GRHL2: variants seen among roughly 807,000 people sequenced by gnomAD.
The protein encoded by GRHL2 is grainyhead like transcription factor 2, also known as grainyhead-like protein 2 homolog.
Under a neutral mutation model 83.8 loss-of-function variants are expected in GRHL2, and 21 were observed. That is an observed-to-expected ratio of 0.25 (90% CI 0.18 to 0.36). The LOEUF is 0.36. GRHL2 is among the 10% of genes least tolerant of loss of function. The pLI, the probability that GRHL2 is intolerant of heterozygous loss-of-function variation, is 1.00. For synonymous variants in GRHL2, 280 were observed against 278.9 expected, an observed-to-expected ratio of 1.00 and a Z score of -0.04; for missense variants, 623 against 781.8, an observed-to-expected ratio of 0.80 and a Z score of 2.42.
intron 14 of GRHL2, among the ~76,000 whole-genome samples, chr8:101,654,006 C>A (rs1813731869): frequency 1.3e-5 from 2 of 152,194 alleles, no homozygotes; most frequent in African/African-American, 2.4e-5. Flanking sequence ...GTTGCACATT[C>A]TGCGAAGGTA....
chr8:101,552,848 T>C, intron 3 of GRHL2, 66 bp downstream of exon 3: 1 of 1,467,950 alleles, frequency 6.8e-7, no homozygotes, highest in South Asian at 1.2e-5. Context: ...TATTAAACTG[T>C]ATGTTTTGTT....
At chr8:101,551,153 T>G (rs575300908) in intron 2 of GRHL2, among the ~76,000 whole-genome samples, 13 of 152,324 alleles carry the variant, frequency 8.5e-5, no homozygotes, top group African/African-American at 2.9e-4. Flanking sequence ...TTCTATCCAG[T>G]GTTTAGCAAT....
At chr8:101,504,079 A>AT (rs1197533669) in intron 1 of GRHL2, among the ~76,000 whole-genome samples, 1 of 152,234 alleles carries the variant, frequency 6.6e-6, no homozygotes, top group African/African-American at 2.4e-5. Context: ...ACACTTAAGA[A>AT]TAATACACAC....
At chr8:101,655,527 T>G in intron 14 of GRHL2, among the ~76,000 whole-genome samples, 1 of 152,172 alleles carries the variant, frequency 6.6e-6, no homozygotes, top group East Asian at 1.9e-4. Context: ...TATTCAGTAG[T>G]CCTAAACCCC....
chr8:101,600,057 T>C (rs1812478202), intron 8 of GRHL2, among the ~76,000 whole-genome samples: 2 of 152,204 alleles, frequency 1.3e-5, no homozygotes, highest in Non-Finnish European at 2.9e-5. Context: ...CGATGCTTTA[T>C]TGTCTGCGAG....
intron 5 of GRHL2, 116 bp from the exon 6 acceptor site, chr8:101,573,552 C>A: frequency 7.8e-7 from 1 of 1,286,148 alleles, no homozygotes; most frequent in Non-Finnish European, 1.1e-6. Context: ...TGTGTTTTGT[C>A]TCTAAAACAG....
At chr8:101,637,647 A>G (rs1209769021) in intron 12 of GRHL2, among the ~76,000 whole-genome samples, 1 of 152,212 alleles carries the variant, frequency 6.6e-6, no homozygotes, top group Non-Finnish European at 1.5e-5. Flanking sequence ...GGTAATAGCT[A>G]TACCACCTCT....
At chr8:101,530,585 A>G (rs1810903231) in intron 1 of GRHL2, among the ~76,000 whole-genome samples, 1 of 152,194 alleles carries the variant, frequency 6.6e-6, no homozygotes, top group Non-Finnish European at 1.5e-5. Context: ...TTAAAAATAG[A>G]TGACCTCTAG....
At chr8:101,598,098 C>T (rs1309120594) in intron 7 of GRHL2, among the ~76,000 whole-genome samples, 2 of 152,032 alleles carry the variant, frequency 1.3e-5, no homozygotes, top group African/African-American at 4.8e-5. Context: ...TATATATAAA[C>T]ACATTTATAG....
In GRHL2 at chr8:101,599,050, G is replaced by A; in HGVS notation, c.1004-7G>A. The A allele has an allele frequency of 2.5e-6, 4 of 1,598,920 alleles. No individual in the cohort carries two copies. Among genetic ancestry groups the A allele is most frequent in the South Asian group, 1.1e-5 (1 of 90,752 alleles). On this transcript the variant is annotated splice_region_variant and splice_polypyrimidine_tract_variant and intron_variant, in intron 7 of 15. Transcript: ENST00000646743. Reference sequence around the variant, plus strand: ...TTTAAAAGCTTGTTCTTTTTTTAATGTTACAGCCGATTACAAGGAGAGCTT... The same window carrying A: ...TTTAAAAGCTTGTTCTTTTTTTAATATTACAGCCGATTACAAGGAGAGCTT...
chr8:101,565,076 A>G (rs1317659810), intron 4 of GRHL2, among the ~76,000 whole-genome samples: 1 of 152,126 alleles, frequency 6.6e-6, no homozygotes. Context: ...ACCATGGCTT[A>G]CTCATTTTAC....
intron 1 of GRHL2, among the ~76,000 whole-genome samples, chr8:101,532,831 GAGAT>G (rs921565070): frequency 6.2e-4 from 94 of 152,094 alleles, no homozygotes; most frequent in African/African-American, 2.2e-3. Context: ...GTGTGAGAGA[GAGAT>G]AGAGAGAGAA....
chr8:101,544,558 T>C (rs948198384), intron 2 of GRHL2, among the ~76,000 whole-genome samples: 7 of 152,190 alleles, frequency 4.6e-5, no homozygotes, highest in Admixed American at 2.0e-4. Context: ...TGACCAGTAT[T>C]TACTGAATGA....
chr8:101,619,146 G>A (rs777765197), intron 8 of GRHL2, among the ~76,000 whole-genome samples: 27 of 152,016 alleles, frequency 1.8e-4, no homozygotes, highest in Admixed American at 7.2e-4. Context: ...CCAGCTACTC[G>A]GGAGGCTTAG....
intron 14 of GRHL2, among the ~76,000 whole-genome samples, chr8:101,657,338 G>C (rs1008652300): frequency 6.6e-6 from 1 of 152,112 alleles, no homozygotes; most frequent in Non-Finnish European, 1.5e-5. Flanking sequence ...ATGTACATGA[G>C]GTTTTTGGGC....
downstream of GRHL2, among the ~76,000 whole-genome samples, chr8:101,671,906 T>G (rs1269263968): frequency 6.6e-6 from 1 of 152,164 alleles, no homozygotes; most frequent in Non-Finnish European, 1.5e-5. Flanking sequence ...CAGCCACCGC[T>G]GTTCTGCAGC....
downstream of GRHL2, among the ~76,000 whole-genome samples, chr8:101,671,944 G>T (rs900700804): frequency 1.3e-5 from 2 of 152,114 alleles, no homozygotes; most frequent in African/African-American, 4.8e-5. Flanking sequence ...AGGCAAACAG[G>T]GTCTGGAGTG....
At chr8:101,582,886 G>T (rs564390055) in intron 7 of GRHL2, among the ~76,000 whole-genome samples, 8 of 152,236 alleles carry the variant, frequency 5.3e-5, no homozygotes, top group African/African-American at 1.4e-4. Flanking sequence ...TTTTTATACT[G>T]AGGTTTAACA....
At chr8:101,675,479 A>T in the GRHL2 span, among the ~76,000 whole-genome samples, 2 of 152,016 alleles carry the variant, frequency 1.3e-5, no homozygotes, top group African/African-American at 4.8e-5. Flanking sequence ...AGAGAATAAA[A>T]TACTTAGGAA....
Sources: allele counts gnomAD v4.1 joint callset (sites outside exome capture counted in the v4.1 genomes callset), GRCh38; gene constraint gnomAD v4.1.1; transcripts MANE v1.5; gene names NCBI Gene and HGNC (gene_info 2026-07-23, HGNC 2026-07-21).